Variants in KCNB2 observed in about 807,000 individuals in gnomAD.
KCNB2 encodes delayed rectifier potassium channel protein.
Under a neutral mutation model 61.5 loss-of-function variants are expected in KCNB2, and 15 were observed. The ratio of observed to expected loss-of-function variants is 0.24; its 90% CI spans 0.16 to 0.38. KCNB2 has a LOEUF of 0.38. Ranked by LOEUF, KCNB2 falls within the 10% of genes least tolerant of loss-of-function variation. The probability of loss-of-function intolerance (pLI) is 1.00; values close to 1 mark genes in which losing one functional copy is unlikely to be tolerated. For missense variants in KCNB2, 828 were observed against 1,125.2 expected, an observed-to-expected ratio of 0.74 and a Z score of 3.78; for synonymous variants, 457 against 446.0, an observed-to-expected ratio of 1.02 and a Z score of -0.31.
intron 2 of KCNB2, among the ~76,000 whole-genome samples, chr8:72,628,991 A>G (rs1300548146): frequency 1.3e-5 from 2 of 152,240 alleles, no homozygotes; most frequent in Non-Finnish European, 2.9e-5. Context: ...CATTTTAGGC[A>G]CTAAATAAAT....
intron 2 of KCNB2, among the ~76,000 whole-genome samples, chr8:72,729,269 A>G (rs146550739): frequency 2.0e-5 from 3 of 152,302 alleles, no homozygotes; most frequent in Admixed American, 1.3e-4. Flanking sequence ...AGGAATGCGC[A>G]CCAATACTAT....
At chr8:72,626,341 CAA>C (rs1432436661) in intron 2 of KCNB2, among the ~76,000 whole-genome samples, 1 of 152,182 alleles carries the variant, frequency 6.6e-6, no homozygotes, top group Non-Finnish European at 1.5e-5. Flanking sequence ...TGGGAAACCA[CAA>C]ATCTAAGGCC....
intron 2 of KCNB2, among the ~76,000 whole-genome samples, chr8:72,627,388 T>C (rs188525954): frequency 1.2e-4 from 19 of 152,344 alleles, no homozygotes; most frequent in Admixed American, 1.2e-3. Flanking sequence ...AATCATATTT[T>C]CTATCATAGA....
At chr8:72,591,937 A>G (rs1341949262) in intron 2 of KCNB2, among the ~76,000 whole-genome samples, 4 of 151,860 alleles carry the variant, frequency 2.6e-5, no homozygotes, top group East Asian at 3.9e-4. Flanking sequence ...TTACATAACT[A>G]AAAACTAGAT....
chr8:72,648,866 C>A (rs1421799561), intron 2 of KCNB2, among the ~76,000 whole-genome samples: 2 of 151,874 alleles, frequency 1.3e-5, no homozygotes, highest in South Asian at 4.1e-4. Context: ...AATAGTAATA[C>A]CTGAGGATTA....
chr8:72,913,567 C>T (rs1419620934), intron 2 of KCNB2, among the ~76,000 whole-genome samples: 1 of 152,156 alleles, frequency 6.6e-6, no homozygotes, highest in Non-Finnish European at 1.5e-5. Context: ...ACATTCCTCT[C>T]ATCTCAATCC....
chr8:72,546,033 G>A (rs1322221103), intron 1 of KCNB2, among the ~76,000 whole-genome samples: 2 of 152,078 alleles, frequency 1.3e-5, no homozygotes, highest in African/African-American at 4.8e-5. Context: ...TGAGTTCTTG[G>A]ATATTGGTAA....
At chr8:72,607,953 T>C (rs11786648) in intron 2 of KCNB2, among the ~76,000 whole-genome samples, 19,342 of 152,222 alleles carry the variant, frequency 0.13, 1,701 homozygotes, top group East Asian at 0.51. Context: ...TAAACATTTA[T>C]TGACCATCTG....
intron 2 of KCNB2, among the ~76,000 whole-genome samples, chr8:72,716,921 C>T (rs1807453994): frequency 6.6e-6 from 1 of 152,248 alleles, no homozygotes; most frequent in East Asian, 1.9e-4. Context: ...ACCCCATTGT[C>T]TCAGCCCAAA....
At chr8:72,628,734 G>A (rs1049265216) in intron 2 of KCNB2, among the ~76,000 whole-genome samples, 2 of 152,090 alleles carry the variant, frequency 1.3e-5, no homozygotes, top group African/African-American at 4.8e-5. Flanking sequence ...ATTTCTTTTA[G>A]GGTCAACATT....
chr8:72,809,990 C>G (rs1231528095), intron 2 of KCNB2, among the ~76,000 whole-genome samples: 3 of 152,180 alleles, frequency 2.0e-5, no homozygotes, highest in Non-Finnish European at 4.4e-5. Flanking sequence ...AACACTAAAA[C>G]CCCATTGGCT....
At chr8:72,554,804 A>C (rs1183471295) in intron 1 of KCNB2, among the ~76,000 whole-genome samples, 1 of 152,098 alleles carries the variant, frequency 6.6e-6, no homozygotes, top group Non-Finnish European at 1.5e-5. Context: ...ACTTATGTTT[A>C]GTTTTAAAAA....
intron 2 of KCNB2, among the ~76,000 whole-genome samples, chr8:72,767,543 AAC>A (rs869071264): frequency 3.0e-5 from 4 of 133,050 alleles, no homozygotes; most frequent in Non-Finnish European, 5.0e-5. Flanking sequence ...TCCATATTAT[AAC>A]ATGTGTCACT....
At chr8:72,648,713 A>T (rs1341916687) in intron 2 of KCNB2, among the ~76,000 whole-genome samples, 6 of 152,122 alleles carry the variant, frequency 3.9e-5, no homozygotes, top group East Asian at 1.9e-4. Flanking sequence ...CTTAAGTAGG[A>T]TATAAGATTT....
chr8:72,539,440 G>A (rs940692706), intron 1 of KCNB2, among the ~76,000 whole-genome samples: 1 of 152,124 alleles, frequency 6.6e-6, no homozygotes, highest in Non-Finnish European at 1.5e-5. Flanking sequence ...TTAAGGTTTA[G>A]AACAATTGTT....
intron 1 of KCNB2, among the ~76,000 whole-genome samples, chr8:72,549,871 T>C (rs951906256): frequency 6.6e-6 from 1 of 152,182 alleles, no homozygotes; most frequent in Admixed American, 6.5e-5. Context: ...GGATAAAGGA[T>C]GGTAATTATA....
chr8:72,681,386 C>T (rs1226883170), intron 2 of KCNB2, among the ~76,000 whole-genome samples: 1 of 151,996 alleles, frequency 6.6e-6, no homozygotes, highest in Non-Finnish European at 1.5e-5. Flanking sequence ...AGAACTAAGA[C>T]AAACGAACAC....
chr8:72,627,450 G>T (rs1414624294), intron 2 of KCNB2, among the ~76,000 whole-genome samples: 2 of 152,148 alleles, frequency 1.3e-5, no homozygotes, highest in Non-Finnish European at 2.9e-5. Flanking sequence ...CCAAAAGCAA[G>T]GTACCATCAG....
chr8:72,795,568 G>T, intron 2 of KCNB2, among the ~76,000 whole-genome samples: 1 of 152,192 alleles, frequency 6.6e-6, no homozygotes, highest in Admixed American at 6.5e-5. Flanking sequence ...AATGACACAG[G>T]AAATCGGATT....
Sources: allele counts gnomAD v4.1 joint callset (sites outside exome capture counted in the v4.1 genomes callset), GRCh38; gene constraint gnomAD v4.1.1; transcripts MANE v1.5; gene names NCBI Gene and HGNC (gene_info 2026-07-23, HGNC 2026-07-21).